Variants in ERC2 observed in about 807,000 individuals in gnomAD.
ERC2 encodes the protein ELKS/RAB6-interacting/CAST family member 2.
A neutral mutation model predicts 114.8 loss-of-function variants in ERC2; 42 were observed. The observed-to-expected ratio is 0.37, with a 90% CI of 0.29 to 0.47. ERC2 has a LOEUF of 0.47. ERC2 is among the 20% of genes least tolerant of loss of function. The pLI is 0.99. For synonymous variants in ERC2, 454 were observed against 425.5 expected (o/e 1.07, Z -0.82); for missense variants, 939 against 1,150.7 (o/e 0.82, Z 2.66).
At chr3:55,746,495 G>C (rs2066315542) in intron 14 of ERC2, among the ~76,000 whole-genome samples, 1 of 152,140 alleles carries the variant, frequency 6.6e-6, no homozygotes, top group Non-Finnish European at 1.5e-5. Flanking sequence ...CAGGTGATCG[G>C]CCTCCCAAAG....
At chr3:55,920,446 A>ACACCCCCC (rs57638674) in intron 13 of ERC2, among the ~76,000 whole-genome samples, 1 of 145,446 alleles carries the variant, frequency 6.9e-6, no homozygotes, top group Non-Finnish European at 1.5e-5. Flanking sequence ...ACACACACAC[A>ACACCCCCC]CCCCAAGTGA....
At chr3:55,533,347 T>C (rs992145018) in intron 17 of ERC2, among the ~76,000 whole-genome samples, 2 of 152,060 alleles carry the variant, frequency 1.3e-5, no homozygotes, top group Non-Finnish European at 2.9e-5. Flanking sequence ...CGTTCAAAGG[T>C]TCCCTCATCT....
intron 3 of ERC2, among the ~76,000 whole-genome samples, chr3:56,199,935 G>A (rs1428350484): frequency 6.6e-6 from 1 of 152,076 alleles, no homozygotes; most frequent in Non-Finnish European, 1.5e-5. Context: ...GGATAAGTAG[G>A]GGTGATGCAG....
In ERC2 at chr3:56,218,411, A is replaced by G. The variant is rs370770854; in HGVS notation, c.1075-44891T>C. On this transcript the variant is annotated intron_variant, in intron 3 of 17. Transcript: ENST00000288221. ...AAAATGCTCATCATCACTGGCCATC[A>G]GAGAAATGCAAATCAAAACCACAAT... 9.2e-5 allele frequency among the ~76,000 whole-genome samples: 14 copies of G among 152,376 alleles called. 1 individual carries two copies. In the East Asian group the frequency reaches 1.9e-3, roughly 21 times the overall value.
intron 17 of ERC2, among the ~76,000 whole-genome samples, chr3:55,543,943 C>T (rs977658434): frequency 6.6e-6 from 1 of 152,172 alleles, no homozygotes; most frequent in African/African-American, 2.4e-5. Flanking sequence ...ACCTGCCTGG[C>T]CTATTTCATC....
At chr3:55,826,466 T>A (rs901402218) in intron 14 of ERC2, among the ~76,000 whole-genome samples, 4 of 152,218 alleles carry the variant, frequency 2.6e-5, no homozygotes, top group African/African-American at 9.6e-5. Flanking sequence ...TAAGCCTGAA[T>A]TGCCCATCTA....
At chr3:55,965,294 C>T (rs985719924) in intron 12 of ERC2, among the ~76,000 whole-genome samples, 1 of 152,202 alleles carries the variant, frequency 6.6e-6, no homozygotes, top group Non-Finnish European at 1.5e-5. Flanking sequence ...GTAGACTAGC[C>T]ATGAGCCACA....
intron 15 of ERC2, among the ~76,000 whole-genome samples, chr3:55,720,416 G>T (rs1400680701): frequency 1.3e-5 from 2 of 149,834 alleles, no homozygotes; most frequent in East Asian, 4.0e-4. Context: ...CTCCCGAGTA[G>T]CTGAGACTAC....
chr3:56,010,515 G>A lies in ERC2; in HGVS notation c.1854C>T (p.Phe618=), dbSNP rs762304862. The A allele has an allele frequency of 3.1e-6, 5 of 1,613,560 alleles. No homozygotes were observed. The Admixed American group carries it at 5.0e-5, about 16-fold the overall frequency. The change falls in exon 9 of 18, where the codon TTC becomes TTT. Residue 618 remains phenylalanine, a synonymous_variant. Coordinates refer to ENST00000288221, the MANE Select transcript of ERC2 (RefSeq NM_015576.3). ...DRERLEEIES[F]RKENKDLKEK... ...CTTTCAGGTCTTTGTTCTCTTTTCG[G>A]AAGGATTCTATCTCTTCTAGTCTTT...
chr3:56,132,399 G>A (rs770179779), intron 6 of ERC2, among the ~76,000 whole-genome samples: 24 of 152,286 alleles, frequency 1.6e-4, no homozygotes, highest in South Asian at 4.1e-4. Flanking sequence ...TTATCACACT[G>A]AGTCATCTGT....
At chr3:56,291,562 G>A (rs903519107) in intron 3 of ERC2, among the ~76,000 whole-genome samples, 10 of 152,094 alleles carry the variant, frequency 6.6e-5, no homozygotes, top group African/African-American at 2.4e-4. Flanking sequence ...GGGTTTATGT[G>A]AGGTCCACCA....
At chr3:56,221,265 G>A (rs2049888800) in intron 3 of ERC2, among the ~76,000 whole-genome samples, 2 of 151,952 alleles carry the variant, frequency 1.3e-5, no homozygotes, top group South Asian at 4.2e-4. Flanking sequence ...GCATTAGCAA[G>A]TGTCAATAAT....
intron 7 of ERC2, among the ~76,000 whole-genome samples, chr3:56,041,313 G>A (rs557124194): frequency 3.3e-5 from 5 of 152,114 alleles, no homozygotes; most frequent in South Asian, 4.2e-4. Flanking sequence ...TCTCCTCCCC[G>A]GGTCACTGAT....
intron 2 of ERC2, among the ~76,000 whole-genome samples, chr3:56,384,421 G>A (rs1386911244): frequency 6.6e-6 from 1 of 151,960 alleles, no homozygotes; most frequent in Non-Finnish European, 1.5e-5. Flanking sequence ...ATCTTACTAT[G>A]GTTTTGATTC....
chr3:56,112,208 C>T (rs1340038221), intron 6 of ERC2, among the ~76,000 whole-genome samples: 1 of 152,210 alleles, frequency 6.6e-6, no homozygotes, highest in Non-Finnish European at 1.5e-5. Flanking sequence ...AAAATGCTCT[C>T]TCACTCCTTA....
At chr3:55,851,690 A>C (rs1027560122) in intron 14 of ERC2, among the ~76,000 whole-genome samples, 1 of 152,076 alleles carries the variant, frequency 6.6e-6, no homozygotes, top group African/African-American at 2.4e-5. Context: ...CTGCCCACCT[A>C]ACTTTTAAAA....
chr3:56,351,438 C>T (rs114116232), intron 2 of ERC2, among the ~76,000 whole-genome samples: 3,709 of 152,078 alleles, frequency 0.024, 59 homozygotes, highest in Non-Finnish European at 0.036. Context: ...ATAGACCATA[C>T]CCATGAAAAG....
intron 7 of ERC2, among the ~76,000 whole-genome samples, chr3:56,064,795 A>C (rs916785198): frequency 3.9e-5 from 6 of 152,260 alleles, no homozygotes; most frequent in African/African-American, 1.4e-4. Context: ...AGAGTTGAGC[A>C]AACTGCAGCC....
intron 6 of ERC2, among the ~76,000 whole-genome samples, chr3:56,108,023 A>T (rs915368655): frequency 6.6e-6 from 1 of 152,224 alleles, no homozygotes; most frequent in African/African-American, 2.4e-5. Flanking sequence ...TAAAACTAGC[A>T]TATGGAATTT....
Sources: allele counts gnomAD v4.1 joint callset (sites outside exome capture counted in the v4.1 genomes callset), GRCh38; gene constraint gnomAD v4.1.1; transcripts MANE v1.5; gene names NCBI Gene and HGNC (gene_info 2026-07-23, HGNC 2026-07-21).